PATJ: variants seen among roughly 807,000 people sequenced by gnomAD.
The protein encoded by PATJ is inaD-like protein.
PATJ carries 190 observed loss-of-function variants against 224.9 expected under a neutral mutation model. The observed-to-expected ratio is 0.84, with a 90% CI of 0.75 to 0.95. The LOEUF is 0.95. PATJ is among the 40% of genes least tolerant of loss of function. The pLI is 0.00. For missense variants in PATJ, 2,121 were observed against 2,270.3 expected, an observed-to-expected ratio of 0.93 and a Z score of 1.34; for synonymous variants, 769 against 820.3, an observed-to-expected ratio of 0.94 and a Z score of 1.07.
chr1:61,794,026 C>T (rs545802598), intron 9 of PATJ, among the ~76,000 whole-genome samples: 63 of 105,424 alleles, frequency 6.0e-4, no homozygotes, highest in African/African-American at 2.3e-3. Flanking sequence ...CCTCAGCCTC[C>T]CAAGTAGCTG....
At chr1:62,050,354 G>A (rs1322003305) in intron 30 of PATJ, among the ~76,000 whole-genome samples, 7 of 152,210 alleles carry the variant, frequency 4.6e-5, no homozygotes, top group African/African-American at 1.7e-4. Flanking sequence ...ACAGAAGGTG[G>A]TTAAGGATAA....
intron 41 of PATJ, among the ~76,000 whole-genome samples, chr1:62,139,328 A>AGG (rs1246920508): frequency 7.3e-6 from 1 of 137,604 alleles, no homozygotes; most frequent in Non-Finnish European, 1.5e-5. Context: ...TGAATCCGGG[A>AGG]GGCAGAGATT....
At chr1:62,112,542 A>T (rs189465467) in intron 34 of PATJ, among the ~76,000 whole-genome samples, 1 of 152,168 alleles carries the variant, frequency 6.6e-6, no homozygotes, top group Non-Finnish European at 1.5e-5. Flanking sequence ...CCATTGCTTC[A>T]TTGTACAGAT....
At position 61,827,468 on chromosome 1, in the gene PATJ, C is replaced by G. The variant is rs1570743549; in HGVS notation, c.1865C>G (p.Ser622Cys). 6.2e-7 allele frequency: 1 copy of G among 1,614,072 alleles called. No individual in the cohort carries two copies. ...LYGKSRREAV[S>C]FLKEVPPPFT... ...GGAAAATCTCGCCGAGAAGCAGTCT[C>G]CTTTCTTAAAGAAGTGCCACCCCCT... The change falls in exon 16 of 44, where the codon TCC becomes TGC. Residue 622 changes from serine to cysteine, a missense_variant. Physicochemically the swap from Ser to Cys is moderately radical, Grantham distance 112. Coordinates refer to ENST00000642238, the MANE Select transcript of PATJ (RefSeq NM_001350145.3).
rs1262062224 is a variant in PATJ, at chr1:62,050,997, A to G, written c.4064A>G (p.Glu1355Gly). ...DQSGTEPISS[E>G]EDGSVEVGIK... Reference sequence around the variant, plus strand: ...AGCGGCACCGAACCTATTAGTAGTGAGGAAGATGGCAGCGTCGAAGTTGGT... The same window carrying G: ...AGCGGCACCGAACCTATTAGTAGTGGGGAAGATGGCAGCGTCGAAGTTGGT... Residue 1355 changes from glutamate (E) to glycine (G), a missense_variant, in exon 31 of 44, where the codon GAG (glutamate) becomes GGG (glycine). Physicochemically the swap from Glu to Gly is moderately conservative, Grantham distance 98. Transcript: ENST00000642238. 1 of 1,614,090 alleles carries G rather than the reference A, an allele frequency of 6.2e-7. No homozygotes were observed. Among genetic ancestry groups the G allele is most frequent in the South Asian group, 1.1e-5 (1 of 91,084 alleles).
chr1:62,021,093 G>C (rs1415274158), intron 29 of PATJ, among the ~76,000 whole-genome samples: 3 of 152,096 alleles, frequency 2.0e-5, no homozygotes, highest in Non-Finnish European at 4.4e-5. Flanking sequence ...CTCCCAAAGT[G>C]CTGGGATCAC....
chr1:62,099,347 C>CTTTTTTTTTTTTTTTTTTTT (rs71050197), intron 33 of PATJ, among the ~76,000 whole-genome samples: 9 of 55,676 alleles, frequency 1.6e-4, no homozygotes, highest in African/African-American at 6.2e-4. Flanking sequence ...ATATCTCCAA[C>CTTTTTTTTTTTTTTTTTTTT]TTTTTTTTTT....
rs527736418 is a variant in PATJ, at chr1:62,125,244, A to C, written c.5043+2186A>C. Among the ~76,000 whole-genome samples the C allele has an allele frequency of 2.0e-3, 229 of 115,242 alleles. 2 individuals carry two copies. The highest frequency in any genetic ancestry group is 6.8e-3 in the African/African-American group (199 of 29,336). 75.6% of individuals were successfully genotyped at this position (115,242 alleles called of 152,430 possible). A position where few individuals can be genotyped will look rare whatever the true frequency, so the allele number is the denominator to read the frequency against. On this transcript the variant is annotated intron_variant, in intron 39 of 43. Coordinates refer to ENST00000642238, the MANE Select transcript of PATJ (RefSeq NM_001350145.3). ...AGAGTAAAACCCTGTCTCAAAAAAAAAAAAAAAAACAAAAAAAAACAAAAA... is the reference window on the plus strand; with the variant it reads ...AGAGTAAAACCCTGTCTCAAAAAAACAAAAAAAAACAAAAAAAAACAAAAA...
At chr1:61,891,874 A>G (rs1669654285) in intron 22 of PATJ, among the ~76,000 whole-genome samples, 1 of 152,244 alleles carries the variant, frequency 6.6e-6, no homozygotes, top group African/African-American at 2.4e-5. Context: ...TCACCCAGAA[A>G]GTCCTCCTGC....
chr1:62,095,272 G>T (rs1661265492), intron 33 of PATJ, among the ~76,000 whole-genome samples: 1 of 152,146 alleles, frequency 6.6e-6, no homozygotes, highest in Non-Finnish European at 1.5e-5. Flanking sequence ...ACTACATTCT[G>T]CCTCAGGTCC....
At chr1:61,855,947 T>C (rs1005721002) in intron 17 of PATJ, 83 bp from the exon 18 acceptor site, 4 of 925,472 alleles carry the variant, frequency 4.3e-6, no homozygotes, top group Non-Finnish European at 7.0e-6. Context: ...CAAATAAGAT[T>C]CATCAGTCAA....
chr1:62,154,705 TAAG>T (rs1250420444), intron 43 of PATJ, among the ~76,000 whole-genome samples: 7 of 145,850 alleles, frequency 4.8e-5, no homozygotes, highest in Admixed American at 4.1e-4. Flanking sequence ...AAAGGAGAAA[TAAG>T]AAGGAATCTG....
At chr1:62,035,247 G>GA (rs1158631791) in intron 29 of PATJ, among the ~76,000 whole-genome samples, 1 of 152,186 alleles carries the variant, frequency 6.6e-6, no homozygotes, top group African/African-American at 2.4e-5. Context: ...AATGCAGTCA[G>GA]AAAAAACAGA....
At chr1:62,014,523 G>A (rs1460575394) in intron 28 of PATJ, among the ~76,000 whole-genome samples, 1 of 144,300 alleles carries the variant, frequency 6.9e-6, no homozygotes, top group African/African-American at 2.6e-5. Flanking sequence ...CATTAAGTAT[G>A]CTTTTTCACA....
At chr1:61,758,758 T>A (rs543912595) in intron 1 of PATJ, among the ~76,000 whole-genome samples, 1 of 147,640 alleles carries the variant, frequency 6.8e-6, no homozygotes, top group Non-Finnish European at 1.5e-5. Context: ...GTTGTGGGAA[T>A]CTCTAGTTTT....
At chr1:62,045,055 T>TA (rs1011157200) in intron 30 of PATJ, among the ~76,000 whole-genome samples, 7 of 151,562 alleles carry the variant, frequency 4.6e-5, no homozygotes, top group Non-Finnish European at 8.8e-5. Context: ...CCGTCTCTAC[T>TA]AAAAAAAATA....
At chr1:62,116,980 A>G in intron 36 of PATJ, 152 bp from the exon 37 acceptor site, 1 of 650,050 alleles carries the variant, frequency 1.5e-6, no homozygotes, top group African/African-American at 1.8e-5. Flanking sequence ...GCCCTCCAGG[A>G]GCCACAGAAT....
chr1:61,747,949 G>A (rs561024269), intron 1 of PATJ, among the ~76,000 whole-genome samples: 7 of 152,294 alleles, frequency 4.6e-5, no homozygotes, highest in African/African-American at 1.4e-4. Flanking sequence ...GTTTCACTCT[G>A]TTGCGAAGGC....
rs557679528 is a variant in PATJ, at chr1:61,832,469, T to C, written c.1981-1185T>C. 6.9e-4 allele frequency among the ~76,000 whole-genome samples: 105 copies of C among 152,312 alleles called. 1 individual carries two copies. Among genetic ancestry groups the C allele is most frequent in the African/African-American group, 2.5e-3 (103 of 41,572 alleles). The stretch of plus-strand genomic sequence containing the variant: ...TACTGGTGTTTCAAAATTATGTGTG[T>C]AGAGATGATGCATTTTTATTTACTG... On this transcript the variant is annotated intron_variant, in intron 16 of 43. Coordinates refer to ENST00000642238, the MANE Select transcript of PATJ (RefSeq NM_001350145.3).
Sources: allele counts gnomAD v4.1 joint callset (sites outside exome capture counted in the v4.1 genomes callset), GRCh38; gene constraint gnomAD v4.1.1; transcripts MANE v1.5; gene names NCBI Gene and HGNC (gene_info 2026-07-23, HGNC 2026-07-21).